Variants in SGCZ observed in about 807,000 individuals in gnomAD.
SGCZ encodes the protein zeta-sarcoglycan.
A neutral mutation model predicts 41.3 loss-of-function variants in SGCZ; 40 were observed. The observed-to-expected ratio is 0.97, with a 90% CI of 0.75 to 1.26. SGCZ has a LOEUF of 1.26. SGCZ is among the 50% of genes most tolerant of loss of function. SGCZ has a pLI of 0.00. For synonymous variants in SGCZ, 206 were observed against 137.5 expected, an observed-to-expected ratio of 1.50 and a Z score of -3.49; for missense variants, 552 against 369.8, an observed-to-expected ratio of 1.49 and a Z score of -4.04.
At position 14,705,792 on chromosome 8, in the gene SGCZ, G is replaced by A. The variant is rs1020223290; in HGVS notation, c.40-150866C>T. Among the ~76,000 whole-genome samples, 159 of 152,038 alleles carry A rather than the reference G, an allele frequency of 1.0e-3. 2 individuals are homozygous for A. Among genetic ancestry groups the A allele is most frequent in the African/African-American group, 3.7e-3 (153 of 41,536 alleles). On this transcript the variant is annotated intron_variant, in intron 1 of 7. Transcript: ENST00000382080. ...TTTCTGAATAATTAATTCGGCATAAGGCCAATATTTTTACCCTTTTTTATT... is the reference window on the plus strand; with the variant it reads ...TTTCTGAATAATTAATTCGGCATAAAGCCAATATTTTTACCCTTTTTTATT...
chr8:14,135,702 C>G (rs1221360039), intron 5 of SGCZ, among the ~76,000 whole-genome samples: 1 of 152,168 alleles, frequency 6.6e-6, no homozygotes, highest in Non-Finnish European at 1.5e-5. Flanking sequence ...GATAGTTTTA[C>G]TGGAGAATTC....
At chr8:14,753,101 G>C (rs1197059201) in intron 1 of SGCZ, among the ~76,000 whole-genome samples, 1 of 152,064 alleles carries the variant, frequency 6.6e-6, no homozygotes, top group Non-Finnish European at 1.5e-5. Context: ...CATCAGTCTT[G>C]GAGGCAAATA....
intron 3 of SGCZ, among the ~76,000 whole-genome samples, chr8:14,271,737 C>T (rs1800065977): frequency 6.6e-6 from 1 of 152,172 alleles, no homozygotes; most frequent in Admixed American, 6.5e-5. Flanking sequence ...CCCTCTACTT[C>T]CTTGTCCGCT....
chr8:15,010,311 G>A (rs1444376872), intron 1 of SGCZ, among the ~76,000 whole-genome samples: 1 of 152,086 alleles, frequency 6.6e-6, no homozygotes, highest in African/African-American at 2.4e-5. Context: ...AACATTATTA[G>A]TTTCTGCAAT....
chr8:14,630,159 A>G (rs544966398), intron 1 of SGCZ, among the ~76,000 whole-genome samples: 2 of 152,110 alleles, frequency 1.3e-5, no homozygotes, highest in East Asian at 3.9e-4. Context: ...GAATCTTTGC[A>G]TTTGTGGGGT....
At chr8:14,179,522 T>A (rs574113943) in intron 4 of SGCZ, among the ~76,000 whole-genome samples, 1 of 152,256 alleles carries the variant, frequency 6.6e-6, no homozygotes, top group South Asian at 2.1e-4. Flanking sequence ...TAGACTCTCT[T>A]TGCCCACCTC....
At chr8:14,342,703 T>C (rs959264178) in intron 2 of SGCZ, among the ~76,000 whole-genome samples, 2 of 152,080 alleles carry the variant, frequency 1.3e-5, no homozygotes, top group Admixed American at 6.5e-5. Context: ...AAGCAGAGCA[T>C]AAAGGCTTGG....
rs551683684 is a variant in SGCZ, at chr8:14,862,579, T to C, written c.40-307653A>G. Among the ~76,000 whole-genome samples, 770 of 96,050 alleles carry C rather than the reference T, an allele frequency of 8.0e-3. 8 individuals are homozygous for C. Among genetic ancestry groups the C allele is most frequent in the African/African-American group, 0.019 (519 of 27,452 alleles). The allele number at this position is 96,050 out of a possible 152,430, so 63.0% of individuals were successfully genotyped here. A position where few individuals can be genotyped will look rare whatever the true frequency, so the allele number is the denominator to read the frequency against. ...ATATATATATATATATATATATATA[T>C]ATACACACACAATTGCAAAACATAC... On this transcript the variant is annotated intron_variant, in intron 1 of 7. Transcript: ENST00000382080.
intron 2 of SGCZ, among the ~76,000 whole-genome samples, chr8:14,476,865 T>G (rs1229090189): frequency 6.6e-6 from 1 of 152,176 alleles, no homozygotes; most frequent in African/African-American, 2.4e-5. Flanking sequence ...CAACCTCCTT[T>G]ATACACTTTC....
At chr8:14,785,311 A>G (rs1550558) in intron 1 of SGCZ, among the ~76,000 whole-genome samples, 10,995 of 152,036 alleles carry the variant, frequency 0.072, 874 homozygotes, top group African/African-American at 0.2. Context: ...CTCAACTGAG[A>G]TCTGGATTTC....
chr8:14,222,077 T>G (rs1415017324), intron 4 of SGCZ, among the ~76,000 whole-genome samples: 1 of 152,202 alleles, frequency 6.6e-6, no homozygotes, highest in Admixed American at 6.5e-5. Flanking sequence ...CCACCTACTG[T>G]AAGACTTCTT....
intron 1 of SGCZ, among the ~76,000 whole-genome samples, chr8:15,217,762 A>G (rs1801459602): frequency 6.6e-6 from 1 of 152,232 alleles, no homozygotes; most frequent in Admixed American, 6.5e-5. Flanking sequence ...ATAGTCTTCA[A>G]GCAAAGCAAT....
chr8:14,140,898 A>T (rs537809136), intron 5 of SGCZ, among the ~76,000 whole-genome samples: 2 of 152,218 alleles, frequency 1.3e-5, no homozygotes, highest in Non-Finnish European at 2.9e-5. Context: ...CACTGGAGGC[A>T]TAATGCTACC....
At chr8:14,397,570 A>G (rs564315416) in intron 2 of SGCZ, among the ~76,000 whole-genome samples, 2 of 152,306 alleles carry the variant, frequency 1.3e-5, no homozygotes, top group South Asian at 4.1e-4. Context: ...TGCATATAAT[A>G]CATGGTAAAG....
chr8:15,077,371 G>C lies in SGCZ; in HGVS notation c.39+160214C>G, dbSNP rs370069324. Among the ~76,000 whole-genome samples the C allele has an allele frequency of 1.8e-4, 27 of 152,210 alleles. 1 individual carries two copies. Among genetic ancestry groups the C allele is most frequent in the African/African-American group, 6.3e-4 (26 of 41,458 alleles). ...AGCTGTTATTGCAGTAATTTGGAGT[G>C]CTCTGCCTGGCAGATTTTCTCTTAT... On this transcript the variant is annotated intron_variant, in intron 1 of 7. Coordinates refer to ENST00000382080, the MANE Select transcript of SGCZ (RefSeq NM_139167.4).
chr8:14,321,776 A>T (rs1182183800), intron 3 of SGCZ, among the ~76,000 whole-genome samples: 2 of 152,124 alleles, frequency 1.3e-5, no homozygotes, highest in African/African-American at 2.4e-5. Flanking sequence ...ATTTTATCAT[A>T]AAATTGTTGA....
At chr8:14,137,539 C>T (rs1803237617) in intron 5 of SGCZ, among the ~76,000 whole-genome samples, 1 of 152,062 alleles carries the variant, frequency 6.6e-6, no homozygotes, top group Non-Finnish European at 1.5e-5. Context: ...CATGCACAAG[C>T]TTCTGTAGAT....
At chr8:14,745,206 A>G (rs543408150) in intron 1 of SGCZ, among the ~76,000 whole-genome samples, 166 of 106,962 alleles carry the variant, frequency 1.6e-3, no homozygotes, top group African/African-American at 9.5e-3. Flanking sequence ...TTTTAACACT[A>G]CTGTGTGTGT....
At chr8:15,164,462 C>G (rs942442315) in intron 1 of SGCZ, among the ~76,000 whole-genome samples, 23 of 152,104 alleles carry the variant, frequency 1.5e-4, no homozygotes, top group Non-Finnish European at 2.4e-4. Flanking sequence ...GTCCCCGCCA[C>G]GTGCTGCTGC....
Sources: gnomAD v4.1 joint callset for allele counts (sites outside exome capture counted in the v4.1 genomes callset) on GRCh38, gnomAD v4.1.1 for gene constraint, MANE v1.5 for transcripts, NCBI Gene and HGNC (gene_info 2026-07-23, HGNC 2026-07-21) for gene names.